The following LCMT1 variants were observed in gnomAD, a reference collection of about 807,000 sequenced individuals.
The protein encoded by LCMT1 is [Phosphatase 2A protein]-leucine-carboxy methyltransferase 1.
A neutral mutation model predicts 47.7 loss-of-function variants in LCMT1; 32 were observed. The observed-to-expected ratio is 0.67, with a 90% CI of 0.51 to 0.90. LCMT1 has a LOEUF of 0.90. Ranked by LOEUF, LCMT1 falls within the 40% of genes least tolerant of loss-of-function variation. The pLI, the probability that LCMT1 is intolerant of heterozygous loss-of-function variation, is 0.00. For synonymous variants in LCMT1, 152 were observed against 149.7 expected (o/e 1.02, Z -0.11); for missense variants, 375 against 415.2 (o/e 0.90, Z 0.84).
intron 3 of LCMT1, among the ~76,000 whole-genome samples, chr16:25,134,934 G>C (rs1960459997): frequency 6.6e-6 from 1 of 152,142 alleles, no homozygotes; most frequent in Non-Finnish European, 1.5e-5. Context: ...GTTGTCCCAT[G>C]GTGTGGTGTG....
chr16:25,134,436 G>T (rs1960445130), intron 3 of LCMT1, among the ~76,000 whole-genome samples: 1 of 152,204 alleles, frequency 6.6e-6, no homozygotes, highest in South Asian at 2.1e-4. Flanking sequence ...CTGCAAGATT[G>T]TCTTCCAGGA....
chr16:25,175,284 T>C (rs1961896252), intron 10 of LCMT1, among the ~76,000 whole-genome samples: 1 of 151,952 alleles, frequency 6.6e-6, no homozygotes, highest in Non-Finnish European at 1.5e-5. Context: ...TACAGGAGCC[T>C]GGCTAATTTT....
chr16:25,148,595 A>T (rs950806639), intron 4 of LCMT1: 15 of 152,500 alleles, frequency 9.8e-5, no homozygotes, highest in Non-Finnish European at 2.9e-5. Flanking sequence ...GAAGGAAGGA[A>T]AGCAGAAAGG....
At chr16:25,171,812 G>C (rs542317159) in intron 9 of LCMT1, among the ~76,000 whole-genome samples, 1 of 152,284 alleles carries the variant, frequency 6.6e-6, no homozygotes, top group East Asian at 1.9e-4. Flanking sequence ...TCACACCTGG[G>C]AGGTAGCAGT....
At chr16:25,114,662 A>G (rs1959732272) in intron 1 of LCMT1, among the ~76,000 whole-genome samples, 1 of 151,884 alleles carries the variant, frequency 6.6e-6, no homozygotes, top group Non-Finnish European at 1.5e-5. Flanking sequence ...ATCAGCTTCT[A>G]TTTTGTTAGC....
chr16:25,168,864 G>A (rs1961664025), intron 7 of LCMT1, among the ~76,000 whole-genome samples: 1 of 152,080 alleles, frequency 6.6e-6, no homozygotes, highest in Non-Finnish European at 1.5e-5. Flanking sequence ...GATTGCTTTT[G>A]GTGGAATTGG....
chr16:25,150,593 C>T (rs1961049638), intron 4 of LCMT1, among the ~76,000 whole-genome samples: 1 of 151,956 alleles, frequency 6.6e-6, no homozygotes, highest in African/African-American at 2.4e-5. Context: ...ATCTGCCTGC[C>T]TTGGCCTCTC....
intron 6 of LCMT1, 38 bp from the exon 7 acceptor site, chr16:25,164,560 A>G: frequency 1.2e-6 from 2 of 1,613,496 alleles, no homozygotes; most frequent in Non-Finnish European, 1.7e-6. Flanking sequence ...TGACTTGATG[A>G]TAACAAATTT....
intron 5 of LCMT1, among the ~76,000 whole-genome samples, chr16:25,152,821 T>G (rs544606825): frequency 5.5e-4 from 83 of 152,280 alleles, no homozygotes; most frequent in Non-Finnish European, 7.8e-4. Context: ...ATTTTCTCCG[T>G]TTTTTCCCTC....
At chr16:25,123,852 G>A (rs984508305) in intron 1 of LCMT1, among the ~76,000 whole-genome samples, 5 of 151,722 alleles carry the variant, frequency 3.3e-5, no homozygotes, top group African/African-American at 7.3e-5. Context: ...CAGGTGATCC[G>A]CCCGCCTCGG....
At chr16:25,131,880 C>T (rs1281099699) in intron 2 of LCMT1, among the ~76,000 whole-genome samples, 2 of 152,164 alleles carry the variant, frequency 1.3e-5, no homozygotes, top group Non-Finnish European at 2.9e-5. Context: ...TATTAGGCAG[C>T]AATTTGCTGG....
chr16:25,165,492 C>T (rs1377231517), intron 7 of LCMT1, among the ~76,000 whole-genome samples: 1 of 151,628 alleles, frequency 6.6e-6, no homozygotes, highest in South Asian at 2.1e-4. Flanking sequence ...CCCCTCTGTG[C>T]CTGTTTCTTT....
intron 7 of LCMT1, among the ~76,000 whole-genome samples, chr16:25,167,743 C>CAT (rs1181241264): frequency 6.6e-6 from 1 of 152,070 alleles, no homozygotes; most frequent in Non-Finnish European, 1.5e-5. Context: ...ATGAATTTTA[C>CAT]ATATATTAAC....
chr16:25,131,908 A>G (rs1009952112), intron 2 of LCMT1, among the ~76,000 whole-genome samples: 2 of 152,104 alleles, frequency 1.3e-5, no homozygotes, highest in Non-Finnish European at 2.9e-5. Context: ...TGCGACCCCC[A>G]TTTTACATAG....
intron 1 of LCMT1, 91 bp downstream of exon 1, chr16:25,112,087 G>A (rs1303828495): frequency 1.2e-6 from 1 of 852,132 alleles, no homozygotes; most frequent in South Asian, 1.4e-5. Flanking sequence ...GCTCAAGGCT[G>A]GCAGGGATGC....
intron 6 of LCMT1, among the ~76,000 whole-genome samples, chr16:25,161,576 A>G (rs1195646777): frequency 3.9e-5 from 6 of 152,100 alleles, no homozygotes; most frequent in Admixed American, 1.3e-4. Flanking sequence ...GCTGGTCTCA[A>G]ACTCCCGACC....
In LCMT1 at chr16:25,123,515, G is replaced by A. The variant is rs534700338; in HGVS notation, c.114-4960G>A. 1.6e-4 allele frequency among the ~76,000 whole-genome samples: 24 copies of A among 148,510 alleles called. No homozygotes were observed. The East Asian group carries it at 4.1e-3, about 25-fold the overall frequency. ...GTTGGGATTACAGGCGTGAGCCACC[G>A]CACTCAGCCTTATATGCCAAATTCT... On this transcript the variant is annotated intron_variant, in intron 1 of 10. Transcript: ENST00000399069.
chr16:25,153,643 T>C (rs1206090585), intron 5 of LCMT1, among the ~76,000 whole-genome samples: 2 of 152,178 alleles, frequency 1.3e-5, no homozygotes, highest in Non-Finnish European at 2.9e-5. Context: ...CTGGGTATAT[T>C]GTGATTTAAA....
intron 7 of LCMT1, among the ~76,000 whole-genome samples, chr16:25,165,517 C>T (rs1961562356): frequency 6.9e-6 from 1 of 145,316 alleles, no homozygotes; most frequent in Non-Finnish European, 1.5e-5. Context: ...CTTTTCTTTT[C>T]TTTTTTTTTT....
Sources: allele counts gnomAD v4.1 joint callset (sites outside exome capture counted in the v4.1 genomes callset), GRCh38; gene constraint gnomAD v4.1.1; transcripts MANE v1.5; gene names NCBI Gene and HGNC (gene_info 2026-07-23, HGNC 2026-07-21).